CRACR2A: variants seen among roughly 807,000 people sequenced by gnomAD.
CRACR2A encodes the protein EF-hand calcium-binding domain-containing protein 4B.
In CRACR2A, 79 loss-of-function variants were observed where a neutral mutation model predicts 90.5. The ratio of observed to expected loss-of-function variants is 0.87; its 90% CI spans 0.73 to 1.05. The LOEUF is 1.05. CRACR2A is among the 50% of genes least tolerant of loss of function. The pLI, the probability that CRACR2A is intolerant of heterozygous loss-of-function variation, is 0.00. For synonymous variants in CRACR2A, 338 were observed against 356.7 expected, an observed-to-expected ratio of 0.95 and a Z score of 0.59; for missense variants, 823 against 897.2, an observed-to-expected ratio of 0.92 and a Z score of 1.06.
At position 3,679,011 on chromosome 12, in the gene CRACR2A, G is replaced by A; in HGVS notation, c.428C>T (p.Ser143Phe). Residue 143 changes from serine (S) to phenylalanine (F), a missense_variant, in exon 6 of 20, where the codon TCC becomes TTC. Transcript: ENST00000440314. The part of the protein sequence containing the change: ...AQRHEEKVYL[S>F]RGDEDLGDMG... ...GTCGCCCAGATCCTCATCCCCTCTG[G>A]ACAGATACACCTTCTCTTCATGGCG... 6.2e-7 allele frequency: 1 copy of A among 1,614,062 alleles called. No individual in the cohort carries two copies. Among genetic ancestry groups the A allele is most frequent in the Non-Finnish European group, 8.5e-7 (1 of 1,179,994 alleles).
chr12:3,742,389 C>T (rs938905664), intron 1 of CRACR2A, among the ~76,000 whole-genome samples: 9 of 152,208 alleles, frequency 5.9e-5, no homozygotes, highest in Non-Finnish European at 1.3e-4. Flanking sequence ...GGGACATAGT[C>T]CACATCATAC....
chr12:3,629,781 A>T (rs75590391), intron 15 of CRACR2A, among the ~76,000 whole-genome samples: 1 of 144,618 alleles, frequency 6.9e-6, no homozygotes, highest in Non-Finnish European at 1.5e-5. Flanking sequence ...AGCCTCAGAC[A>T]GGCAGGCCGA....
chr12:3,682,812 CAG>C (rs1445651612), intron 4 of CRACR2A, among the ~76,000 whole-genome samples: 1 of 149,590 alleles, frequency 6.7e-6, no homozygotes, highest in South Asian at 2.1e-4. Flanking sequence ...TTTTTTGAGA[CAG>C]AGTCTCGCTC....
chr12:3,708,449 G>T (rs191443327), intron 3 of CRACR2A, among the ~76,000 whole-genome samples: 93 of 151,936 alleles, frequency 6.1e-4, no homozygotes, highest in Admixed American at 2.6e-3. Context: ...TTTTGAGACG[G>T]AGTCTCACTC....
chr12:3,716,318 CCT>C (rs879576186), intron 2 of CRACR2A, among the ~76,000 whole-genome samples: 4 of 152,148 alleles, frequency 2.6e-5, no homozygotes, highest in South Asian at 4.1e-4. Flanking sequence ...TGTTTCATCC[CCT>C]GTTACAGTTC....
chr12:3,618,543 T>C lies in CRACR2A; in HGVS notation c.2034+728A>G, dbSNP rs147118300. On this transcript the variant is annotated intron_variant, in intron 18 of 19. Coordinates refer to ENST00000440314, the MANE Select transcript of CRACR2A (RefSeq NM_001144958.2). ...ACCTGCCAGGCCCTTCCTCCTCCTT[T>C]TTCCTTGAGTCTTACCATCTGTGCT... 2.8e-4 allele frequency among the ~76,000 whole-genome samples: 42 copies of C among 152,328 alleles called. No individual in the cohort carries two copies. In the East Asian group the frequency reaches 8.1e-3, roughly 29 times the overall value.
intron 7 of CRACR2A, among the ~76,000 whole-genome samples, chr12:3,662,351 G>A (rs935473895): frequency 5.9e-5 from 9 of 152,366 alleles, no homozygotes; most frequent in African/African-American, 1.9e-4. Context: ...GGGACGAGAA[G>A]ACTTGCATTC....
chr12:3,709,760 G>A (rs986013618), intron 3 of CRACR2A, among the ~76,000 whole-genome samples: 1 of 152,274 alleles, frequency 6.6e-6, no homozygotes, highest in Non-Finnish European at 1.5e-5. Flanking sequence ...CTGGGCGACA[G>A]AGCGAGACTC....
rs535309852 is a variant in CRACR2A at position 3,686,761 on chromosome 12, G to A, written c.229-6412C>T. Among the ~76,000 whole-genome samples, 20 of 152,276 alleles carry A rather than the reference G, an allele frequency of 1.3e-4. No homozygotes were observed. In the South Asian group the frequency reaches 3.7e-3, roughly 28 times the overall value. On this transcript the variant is annotated intron_variant, in intron 4 of 19. Coordinates refer to ENST00000440314, the MANE Select transcript of CRACR2A (RefSeq NM_001144958.2). ...TCTGGAGAGATCCCCAGGAAACCCA[G>A]AGAGATTCCTCAAGAAGGACAGTGT... is the stretch of plus-strand genomic sequence containing the variant.
intron 14 of CRACR2A, among the ~76,000 whole-genome samples, chr12:3,636,784 C>G (rs902633625): frequency 1.3e-4 from 20 of 152,246 alleles, no homozygotes; most frequent in African/African-American, 4.8e-4. Flanking sequence ...CTCCCCTGCA[C>G]CAGGGCCCTT....
rs114614108 is a variant in CRACR2A, at chr12:3,748,839, T to A, written c.-387+4176A>T. On this transcript the variant is annotated intron_variant, in intron 1 of 19. Transcript: ENST00000440314. ...ACCTCAGCCTGACTGCAAATTTGTTTATGTCATCCGGATGACGTCATGCTA... is the reference window on the plus strand; with the variant it reads ...ACCTCAGCCTGACTGCAAATTTGTTAATGTCATCCGGATGACGTCATGCTA... 2.4e-3 allele frequency among the ~76,000 whole-genome samples: 371 copies of A among 152,300 alleles called. 3 individuals carry two copies. The highest frequency in any genetic ancestry group is 8.2e-3 in the African/African-American group (341 of 41,568).
chr12:3,728,496 C>A (rs1210834901), intron 2 of CRACR2A: 2 of 152,258 alleles, frequency 1.3e-5, no homozygotes, highest in African/African-American at 2.4e-5. Flanking sequence ...TGACGAGAAG[C>A]CTTGGCGGGC....
At position 3,616,922 on chromosome 12, in the gene CRACR2A, AG is replaced by A. The variant is rs759604444; in HGVS notation, c.2111+31del. The A allele has an allele frequency of 2.5e-5, 37 of 1,499,142 alleles. No homozygotes were observed. In the African/African-American group the frequency reaches 4.9e-4, roughly 20 times the overall value. 92.9% of individuals were successfully genotyped at this position (1,499,142 alleles called of 1,614,324 possible). On this transcript the variant is annotated intron_variant, in intron 19 of 19. Transcript: ENST00000440314. ...GAAGGCAGACACAGCTGGACACAGC[AG>A]TTACTGCACCTGGGGAGCACATCTC...
chr12:3,679,447 C>A (rs1945404463), intron 5 of CRACR2A, among the ~76,000 whole-genome samples: 1 of 152,212 alleles, frequency 6.6e-6, no homozygotes, highest in Non-Finnish European at 1.5e-5. Context: ...TGCATTCCAG[C>A]ACCCTGACTG....
At chr12:3,747,607 C>A (rs1946645805) in intron 1 of CRACR2A, among the ~76,000 whole-genome samples, 1 of 152,174 alleles carries the variant, frequency 6.6e-6, no homozygotes, top group Non-Finnish European at 1.5e-5. Context: ...GAAAATAAAC[C>A]AATCACCCAG....
intron 17 of CRACR2A, among the ~76,000 whole-genome samples, chr12:3,621,615 C>T (rs1189696137): frequency 3.9e-5 from 4 of 102,174 alleles, no homozygotes; most frequent in African/African-American, 1.6e-4. Context: ...TGTGCCACTG[C>T]ACTCCAGCCT....
intron 4 of CRACR2A, among the ~76,000 whole-genome samples, chr12:3,695,726 G>A (rs369130822): frequency 6.4e-4 from 98 of 152,306 alleles, no homozygotes; most frequent in African/African-American, 2.2e-3. Context: ...ACAGGGATGC[G>A]TCCCTTCAAA....
At chr12:3,625,390 GT>G (rs1944237680) in intron 17 of CRACR2A, among the ~76,000 whole-genome samples, 1 of 151,810 alleles carries the variant, frequency 6.6e-6, no homozygotes, top group African/African-American at 2.4e-5. Context: ...CCCAGGCTCT[GT>G]GCAAAACAGG....
intron 1 of CRACR2A, among the ~76,000 whole-genome samples, chr12:3,745,801 A>ATG (rs1946609168): frequency 2.2e-4 from 1 of 4,556 alleles, no homozygotes; most frequent in Admixed American, 4.2e-3. Flanking sequence ...AAAATAAAAT[A>ATG]AAATAAAATA....
Sources: allele counts gnomAD v4.1 joint callset (sites outside exome capture counted in the v4.1 genomes callset), GRCh38; gene constraint gnomAD v4.1.1; transcripts MANE v1.5; gene names NCBI Gene and HGNC (gene_info 2026-07-23, HGNC 2026-07-21).